CDC27: variants seen among roughly 807,000 people sequenced by gnomAD.
CDC27 encodes cell division cycle protein 27 homolog.
Under a neutral mutation model 109.7 loss-of-function variants are expected in CDC27, and 27 were observed. The observed-to-expected ratio is 0.25, with a 90% confidence interval of 0.18 to 0.34. The LOEUF is 0.34. Ranked by LOEUF, CDC27 falls within the 10% of genes least tolerant of loss-of-function variation. The probability of loss-of-function intolerance (pLI) is 1.00; values close to 1 mark genes in which losing one functional copy is unlikely to be tolerated. For synonymous variants in CDC27, 266 were observed against 333.9 expected (o/e 0.80, Z 2.22); for missense variants, 579 against 960.2 (o/e 0.60, Z 5.25).
intron 1 of CDC27, among the ~76,000 whole-genome samples, chr17:47,186,410 T>C (rs2064437175): frequency 6.6e-6 from 1 of 152,250 alleles, no homozygotes; most frequent in African/African-American, 2.4e-5. Flanking sequence ...AAATTAATTT[T>C]CGAAAGGCTT....
chr17:47,153,733 T>C lies in CDC27; in HGVS notation c.957+939A>G, dbSNP rs574706979. 4.6e-5 allele frequency among the ~76,000 whole-genome samples: 7 copies of C among 152,252 alleles called. No individual in the cohort carries two copies. The South Asian group carries it at 1.5e-3, about 32-fold the overall frequency. The stretch of plus-strand genomic sequence containing the variant: ...AGTTACCTTGTGCCACAGATATGCT[T>C]TTTAAAAATGGTATTTTGGCCTCTA... On this transcript the variant is annotated intron_variant, in intron 8 of 18. Coordinates refer to ENST00000066544, the MANE Select transcript of CDC27 (RefSeq NM_001256.6).
In CDC27 at chr17:47,120,854, G is replaced by C; in HGVS notation, c.*81C>G. 1.0e-6 allele frequency: 1 copy of C among 990,892 alleles called. No homozygotes were observed. The highest frequency in any genetic ancestry group is 1.6e-6 in the Non-Finnish European group (1 of 631,970). The allele number at this position is 990,892 out of a possible 1,614,324, so 61.4% of individuals were successfully genotyped here. A position where few individuals can be genotyped will look rare whatever the true frequency, so the allele number is the denominator to read the frequency against. ...GGACGATGACACCGCCAGCTCAAGAGTAAAGACTCAGTATACAGAGGGACA... is the reference window on the plus strand; with the variant it reads ...GGACGATGACACCGCCAGCTCAAGACTAAAGACTCAGTATACAGAGGGACA... On this transcript the variant is annotated 3_prime_UTR_variant, in exon 19 of 19. Coordinates refer to ENST00000066544, the MANE Select transcript of CDC27 (RefSeq NM_001256.6).
chr17:47,174,825 G>T lies in CDC27; in HGVS notation c.104-2761C>A, dbSNP rs574878759. ...ACAAAAATCAGCCGGGTGTGGTGGC[G>T]TGCACCTGTGATCCCAGCTACTCGG... On this transcript the variant is annotated intron_variant, in intron 2 of 18. Coordinates refer to ENST00000066544, the MANE Select transcript of CDC27 (RefSeq NM_001256.6). 2.6e-5 allele frequency among the ~76,000 whole-genome samples: 4 copies of T among 152,110 alleles called. No individual in the cohort carries two copies. In the East Asian group the frequency reaches 7.7e-4, roughly 29 times the overall value.
At chr17:47,143,284 T>C (rs950503062) in intron 10 of CDC27, among the ~76,000 whole-genome samples, 1 of 152,180 alleles carries the variant, frequency 6.6e-6, no homozygotes, top group Admixed American at 6.5e-5. Flanking sequence ...TTTTTTTAAC[T>C]TTTATTTTCA....
chr17:47,126,605 G>A (rs111564733), intron 16 of CDC27, among the ~76,000 whole-genome samples: 1,946 of 152,220 alleles, frequency 0.013, 52 homozygotes, highest in African/African-American at 0.045. Flanking sequence ...GCAAGTAAAC[G>A]CTGATTTATG....
intron 8 of CDC27, among the ~76,000 whole-genome samples, chr17:47,153,719 G>A (rs981476200): frequency 3.3e-5 from 5 of 152,076 alleles, no homozygotes; most frequent in African/African-American, 1.2e-4. Context: ...GTTACCTTGT[G>A]CCACAGATAT....
At chr17:47,162,609 T>C (rs1465294678) in intron 4 of CDC27, among the ~76,000 whole-genome samples, 4 of 152,116 alleles carry the variant, frequency 2.6e-5, no homozygotes, top group Admixed American at 6.5e-5. Context: ...AGAAAGGAAG[T>C]AGACAAACAT....
Position 47,189,213 on chromosome 17 carries a change from C to G in CDC27, c.-41G>C, listed in dbSNP as rs2285591. ...CCACTTTCTGCAGTGCCTCAGGCCC[C>G]CCCTGTAGCGGCTCCGGCCCGGCCA... On this transcript the variant is annotated 5_prime_UTR_variant, in exon 1 of 19. Coordinates refer to ENST00000066544, the MANE Select transcript of CDC27 (RefSeq NM_001256.6). The G allele has an allele frequency of 6.3e-3, 9,861 of 1,563,336 alleles. 430 individuals carry two copies. The Admixed American group carries it at 0.095, about 15-fold the overall frequency.
chr17:47,133,112 T>C (rs75372133), intron 14 of CDC27, among the ~76,000 whole-genome samples: 997 of 21,730 alleles, frequency 0.046, 9 homozygotes, highest in African/African-American at 0.073. Context: ...TATACATATA[T>C]ATATATATAT....
At chr17:47,153,548 T>TA (rs1217164197) in intron 8 of CDC27, among the ~76,000 whole-genome samples, 4 of 152,020 alleles carry the variant, frequency 2.6e-5, no homozygotes, top group African/African-American at 4.8e-5. Flanking sequence ...AGTAAAATAG[T>TA]AAAAAAACAA....
chr17:47,164,235 C>A (rs1203171127), intron 4 of CDC27, among the ~76,000 whole-genome samples: 1 of 152,172 alleles, frequency 6.6e-6, no homozygotes, highest in African/African-American at 2.4e-5. Context: ...TAGTAGGCTA[C>A]ACCATCTAGG....
Position 47,138,897 on chromosome 17 carries a change from A to G in CDC27, c.1552-6T>C. The G allele has an allele frequency of 1.3e-6, 2 of 1,555,542 alleles. No homozygotes were observed. The highest frequency in any genetic ancestry group is 1.7e-6 in the Non-Finnish European group (2 of 1,151,744). ...TCTGAGAATATTCTTTCAGCCTGAA[A>G]TAAAAAAAACTAGTAAGAGAAAACA... On this transcript the variant is annotated splice_region_variant and splice_polypyrimidine_tract_variant and intron_variant, in intron 12 of 18. Transcript: ENST00000066544.
At chr17:47,185,770 A>G (rs975616753) in intron 1 of CDC27, among the ~76,000 whole-genome samples, 4 of 152,220 alleles carry the variant, frequency 2.6e-5, no homozygotes, top group African/African-American at 4.8e-5. Context: ...AGAAGATACA[A>G]AGAAAAAAAT....
At position 47,129,527 on chromosome 17, in the gene CDC27, A is replaced by G. The variant is rs532498880; in HGVS notation, c.2032-6T>C. The G allele has an allele frequency of 5.0e-6, 8 of 1,586,808 alleles. No individual in the cohort carries two copies. Among genetic ancestry groups the G allele is most frequent in the Admixed American group, 1.8e-5 (1 of 54,372 alleles). On this transcript the variant is annotated splice_region_variant and splice_polypyrimidine_tract_variant and intron_variant, in intron 15 of 18. Transcript: ENST00000066544. ...TTTTTCAGTGCATGTTGAACCTGTA[A>G]GAAATAAAGATCATGTTAATACTCC...
chr17:47,168,113 T>C (rs2063703354), intron 4 of CDC27, among the ~76,000 whole-genome samples: 1 of 152,174 alleles, frequency 6.6e-6, no homozygotes, highest in South Asian at 2.1e-4. Context: ...CCCTGTCCTT[T>C]TGAGTTTTTA....
At chr17:47,147,291 C>T (rs555539960) in intron 9 of CDC27, among the ~76,000 whole-genome samples, 164 of 151,516 alleles carry the variant, frequency 1.1e-3, no homozygotes, top group Non-Finnish European at 2.0e-3. Context: ...CCCAGCTACA[C>T]GGGAGGCTGA....
intron 15 of CDC27, among the ~76,000 whole-genome samples, chr17:47,131,119 A>C (rs959183485): frequency 2.0e-5 from 3 of 152,174 alleles, no homozygotes; most frequent in African/African-American, 7.2e-5. Context: ...TTCTTCAAAT[A>C]AACCACTCAA....
intron 18 of CDC27, 63 bp downstream of exon 18, chr17:47,122,381 C>G (rs1440344244): frequency 8.9e-7 from 1 of 1,126,682 alleles, no homozygotes; most frequent in African/African-American, 1.6e-5. Flanking sequence ...AAAAGAGTAG[C>G]CTACAAATCC....
At chr17:47,142,119 T>C (rs1732202370) in intron 11 of CDC27, 94 bp from the exon 12 acceptor site, 2 of 1,159,848 alleles carry the variant, frequency 1.7e-6, no homozygotes, top group Admixed American at 5.0e-5. Flanking sequence ...TATTAAAAAT[T>C]CCAACATCTA....
Sources: allele counts gnomAD v4.1 joint callset (sites outside exome capture counted in the v4.1 genomes callset), GRCh38; gene constraint gnomAD v4.1.1; transcripts MANE v1.5; gene names NCBI Gene and HGNC (gene_info 2026-07-23, HGNC 2026-07-21).